The following PCDH9 variants were observed in gnomAD, a reference collection of about 807,000 sequenced individuals.
PCDH9 encodes the protein protocadherin-9.
Under a neutral mutation model 70.6 loss-of-function variants are expected in PCDH9, and 24 were observed. The ratio of observed to expected loss-of-function variants is 0.34; its 90% CI spans 0.25 to 0.48. The LOEUF is 0.48. Ranked by LOEUF, PCDH9 falls within the 20% of genes least tolerant of loss-of-function variation. PCDH9 has a pLI of 0.99. For synonymous variants in PCDH9, 562 were observed against 558.5 expected, an observed-to-expected ratio of 1.01 and a Z score of -0.09; for missense variants, 1,281 against 1,503.6, an observed-to-expected ratio of 0.85 and a Z score of 2.45.
At chr13:66,825,991 AC>A (rs1268745990) in intron 3 of PCDH9, among the ~76,000 whole-genome samples, 2 of 152,320 alleles carry the variant, frequency 1.3e-5, no homozygotes, top group Admixed American at 6.5e-5. Flanking sequence ...ATAAAAAGTA[AC>A]AATTTTATGT....
intron 2 of PCDH9, among the ~76,000 whole-genome samples, chr13:66,996,761 G>A (rs1175708310): frequency 6.6e-6 from 1 of 152,156 alleles, no homozygotes; most frequent in Non-Finnish European, 1.5e-5. Flanking sequence ...GTACTGTTTG[G>A]CTAGTAAGTG....
intron 2 of PCDH9, among the ~76,000 whole-genome samples, chr13:66,967,967 T>G (rs2083457778): frequency 6.6e-6 from 1 of 152,030 alleles, no homozygotes; most frequent in Non-Finnish European, 1.5e-5. Context: ...AGGAGATCAT[T>G]CAGCATCTGC....
chr13:67,210,967 A>G (rs969678460), intron 2 of PCDH9: 3 of 152,010 alleles, frequency 2.0e-5, no homozygotes, highest in Non-Finnish European at 2.9e-5. Context: ...ATTGGTTACT[A>G]CAGACAGAGC....
At chr13:66,353,944 C>A (rs1028869331) in intron 4 of PCDH9, among the ~76,000 whole-genome samples, 18 of 152,090 alleles carry the variant, frequency 1.2e-4, no homozygotes, top group African/African-American at 4.3e-4. Context: ...TGAAAACAAC[C>A]GGTAAGAAGG....
chr13:66,805,094 T>G (rs2080390173), intron 3 of PCDH9, among the ~76,000 whole-genome samples: 1 of 152,154 alleles, frequency 6.6e-6, no homozygotes, highest in Non-Finnish European at 1.5e-5. Context: ...ATATGTTTCA[T>G]CCATTATTTA....
chr13:66,613,854 CTTTAATA>C (rs199896739), intron 4 of PCDH9, among the ~76,000 whole-genome samples: 2,022 of 152,248 alleles, frequency 0.013, 52 homozygotes, highest in African/African-American at 0.046. Flanking sequence ...GTTCACATGA[CTTTAATA>C]TTTAAGAAAT....
At chr13:66,740,402 T>C (rs374966121) in intron 3 of PCDH9, among the ~76,000 whole-genome samples, 3 of 97,320 alleles carry the variant, frequency 3.1e-5, no homozygotes, top group Non-Finnish European at 6.6e-5. Context: ...AGATCCAAAA[T>C]TGACACCCTA....
intron 4 of PCDH9, among the ~76,000 whole-genome samples, chr13:66,453,870 A>G (rs1303543825): frequency 6.6e-6 from 1 of 152,220 alleles, no homozygotes; most frequent in Non-Finnish European, 1.5e-5. Flanking sequence ...CAAAATAAAT[A>G]TTTTTATTAA....
chr13:66,694,892 C>A (rs1312808531), intron 3 of PCDH9, among the ~76,000 whole-genome samples: 1 of 151,128 alleles, frequency 6.6e-6, no homozygotes, highest in East Asian at 1.9e-4. Flanking sequence ...AATGCATAGT[C>A]ATCACTTACA....
At chr13:67,129,200 C>T (rs2087049523) in intron 2 of PCDH9, among the ~76,000 whole-genome samples, 1 of 151,932 alleles carries the variant, frequency 6.6e-6, no homozygotes, top group Non-Finnish European at 1.5e-5. Flanking sequence ...TAGCTAATGA[C>T]CTTGCCTAAT....
intron 2 of PCDH9, among the ~76,000 whole-genome samples, chr13:66,991,929 GAT>G (rs1358870194): frequency 6.6e-6 from 1 of 152,100 alleles, no homozygotes; most frequent in African/African-American, 2.4e-5. Flanking sequence ...GGTAGATAAA[GAT>G]AGATTATTGT....
At chr13:67,000,642 T>G (rs1351686881) in intron 2 of PCDH9, among the ~76,000 whole-genome samples, 3 of 152,228 alleles carry the variant, frequency 2.0e-5, no homozygotes, top group East Asian at 1.9e-4. Flanking sequence ...ATTAAAGGAA[T>G]AGGTAACTTG....
chr13:67,102,487 A>G (rs1394869791), intron 2 of PCDH9, among the ~76,000 whole-genome samples: 1 of 152,210 alleles, frequency 6.6e-6, no homozygotes, highest in Admixed American at 6.5e-5. Context: ...ACTAAATAAC[A>G]AAAGTCAAAA....
At chr13:67,216,859 A>T (rs1441409584) in intron 2 of PCDH9, 3 of 151,736 alleles carry the variant, frequency 2.0e-5, no homozygotes, top group African/African-American at 7.3e-5. Context: ...TAGCCAGTCC[A>T]GGTGTGTTCC....
chr13:66,674,242 TA>T (rs1202301180), intron 3 of PCDH9, among the ~76,000 whole-genome samples: 3 of 152,098 alleles, frequency 2.0e-5, no homozygotes, highest in Admixed American at 6.5e-5. Context: ...GTATTCATAA[TA>T]AGTGAATATT....
chr13:66,708,359 C>CT (rs1340858412), intron 3 of PCDH9, among the ~76,000 whole-genome samples: 1 of 149,890 alleles, frequency 6.7e-6, no homozygotes, highest in African/African-American at 2.4e-5. Context: ...CCAGATAACA[C>CT]TTTTATATTC....
intron 3 of PCDH9, among the ~76,000 whole-genome samples, chr13:66,883,504 C>T (rs1017408943): frequency 6.6e-6 from 1 of 152,182 alleles, no homozygotes. Flanking sequence ...TATTCTAACT[C>T]AGCCTTTCTC....
chr13:66,570,692 A>T (rs529388237), intron 4 of PCDH9, among the ~76,000 whole-genome samples: 2 of 152,260 alleles, frequency 1.3e-5, no homozygotes, highest in South Asian at 4.1e-4. Context: ...AGAAAAGGGA[A>T]TTGATTAACT....
At chr13:66,874,548 GT>G (rs2081761945) in intron 3 of PCDH9, among the ~76,000 whole-genome samples, 1 of 152,088 alleles carries the variant, frequency 6.6e-6, no homozygotes, top group African/African-American at 2.4e-5. Flanking sequence ...GGGCAGCACT[GT>G]GCCCCCTAGT....
Sources: gnomAD v4.1 joint callset for allele counts (sites outside exome capture counted in the v4.1 genomes callset) on GRCh38, gnomAD v4.1.1 for gene constraint, MANE v1.5 for transcripts, NCBI Gene and HGNC (gene_info 2026-07-23, HGNC 2026-07-21) for gene names.